Variants in N4BP1 observed in about 807,000 individuals in gnomAD.
The protein encoded by N4BP1 is NEDD4-binding protein 1.
Under a neutral mutation model 70.9 loss-of-function variants are expected in N4BP1, and 21 were observed. The observed-to-expected ratio is 0.30, with a 90% CI of 0.21 to 0.43. The LOEUF is 0.43. Among genes scored for constraint, N4BP1 ranks in the 20% least tolerant of loss-of-function variants. N4BP1 has a pLI of 1.00. For synonymous variants in N4BP1, 387 were observed against 394.6 expected (o/e 0.98, Z 0.23); for missense variants, 936 against 1,069.4 (o/e 0.88, Z 1.74).
chr16:48,561,388 T>C lies in N4BP1; in HGVS notation c.1255A>G (p.Asn419Asp). The C allele has an allele frequency of 1.2e-6, 2 of 1,613,964 alleles. No individual in the cohort carries two copies. The highest frequency in any genetic ancestry group is 1.1e-5 in the South Asian group (1 of 91,086). The change falls in exon 2 of 7, where the codon AAT (asparagine) becomes GAT (aspartate). Residue 419 changes from asparagine to aspartate, a missense_variant. Transcript: ENST00000262384. ...TKNKGVYSST[N>D]ELTTDSTPKK... ...GGAGTGGAATCAGTTGTAAGCTCAT[T>C]TGTGCTGCTATAAACACCTTTATTT...
chr16:48,572,553 C>T (rs886746724), intron 1 of N4BP1, among the ~76,000 whole-genome samples: 1 of 152,062 alleles, frequency 6.6e-6, no homozygotes, highest in Admixed American at 6.6e-5. Context: ...TAAAATTACT[C>T]CTATGGATTC....
chr16:48,574,251 T>C (rs77049785), intron 1 of N4BP1, among the ~76,000 whole-genome samples: 396 of 152,306 alleles, frequency 2.6e-3, no homozygotes, highest in African/African-American at 9.1e-3. Flanking sequence ...CTACTTTTAA[T>C]AAAAAAATTT....
At chr16:48,600,194 G>T in intron 1 of N4BP1, 1 of 662,054 alleles carries the variant, frequency 1.5e-6, no homozygotes, top group Non-Finnish European at 2.8e-6. Flanking sequence ...TTCTGTTTGG[G>T]CCCATCTACC....
At chr16:48,587,654 C>CT (rs917270356) in intron 1 of N4BP1, among the ~76,000 whole-genome samples, 5 of 152,176 alleles carry the variant, frequency 3.3e-5, no homozygotes, top group African/African-American at 1.2e-4. Flanking sequence ...ATTTGGCCCC[C>CT]TTTTTACCAG....
chr16:48,600,791 C>T (rs1964484478), intron 1 of N4BP1: 1 of 273,050 alleles, frequency 3.7e-6, no homozygotes, highest in Non-Finnish European at 7.1e-6. Flanking sequence ...ATCTACAAAA[C>T]ATCAGATATT....
At chr16:48,558,529 C>A (rs1034970547) in intron 2 of N4BP1, among the ~76,000 whole-genome samples, 3 of 152,078 alleles carry the variant, frequency 2.0e-5, no homozygotes, top group Non-Finnish European at 2.9e-5. Context: ...CAACAGTGAC[C>A]CTGCTGAGAA....
chr16:48,548,240 A>G (rs986859751), intron 4 of N4BP1, 126 bp from the exon 5 acceptor site: 62 of 646,008 alleles, frequency 9.6e-5, no homozygotes, highest in Non-Finnish European at 1.5e-4. Context: ...AGGCTAGGCC[A>G]CAGAAAAGTT....
intron 6 of N4BP1, 199 bp downstream of exon 6, chr16:48,545,948 G>A (rs574072801): frequency 2.4e-6 from 1 of 423,264 alleles, no homozygotes; most frequent in African/African-American, 2.1e-5. Context: ...GATCGCTGAA[G>A]CCCAGTGGGG....
At position 48,543,133 on chromosome 16, in the gene N4BP1, C is replaced by A. The variant is rs1159344834; in HGVS notation, c.2462G>T (p.Ser821Ile). 1 of 1,607,912 alleles carries A rather than the reference C, an allele frequency of 6.2e-7. No individual in the cohort carries two copies. The highest frequency in any genetic ancestry group is 1.7e-5 in the Admixed American group (1 of 59,862). The change falls in exon 7 of 7, where the codon AGC becomes ATC. Residue 821 changes from serine to isoleucine, a missense_variant. Ser to Ile is a moderately radical substitution (Grantham distance 142). Transcript: ENST00000262384. ...PPTRIQGAPS[S>I]HWLPQQPHFP... ...GTGGGGCTGCTGAGGGAGCCAGTGG[C>A]TTGAAGGGGCTCCCTGAATCCGGGT...
At chr16:48,586,761 T>C (rs1224300015) in intron 1 of N4BP1, among the ~76,000 whole-genome samples, 1 of 152,240 alleles carries the variant, frequency 6.6e-6, no homozygotes, top group Non-Finnish European at 1.5e-5. Context: ...ACTAATTTCT[T>C]TGGAGTATTC....
intron 1 of N4BP1, among the ~76,000 whole-genome samples, chr16:48,563,250 G>A (rs1963886671): frequency 6.6e-6 from 1 of 152,020 alleles, no homozygotes; most frequent in Non-Finnish European, 1.5e-5. Flanking sequence ...AGCTACTTGG[G>A]AGGCTGAGAT....
chr16:48,595,750 T>C (rs368489441), intron 1 of N4BP1, among the ~76,000 whole-genome samples: 5 of 152,248 alleles, frequency 3.3e-5, no homozygotes, highest in Non-Finnish European at 7.3e-5. Flanking sequence ...ACTTGACTTA[T>C]AGAGCCAACC....
rs1307707854 is a variant in N4BP1, at chr16:48,538,964, G to C, written c.*3940C>G. 1 of 152,348 alleles carries C rather than the reference G, an allele frequency of 6.6e-6. No homozygotes were observed. The highest frequency in any genetic ancestry group is 6.5e-5 in the Admixed American group (1 of 15,284). 9.4% of individuals were successfully genotyped at this position (152,348 alleles called of 1,614,324 possible). ...GGGGATGCTTCTGGCAGAAGCACTG[G>C]AAAGGAGACGAGGACTCAGGCTGGG... On this transcript the variant is annotated 3_prime_UTR_variant, in exon 7 of 7. Transcript: ENST00000262384.
chr16:48,590,009 G>C (rs1044184154), intron 1 of N4BP1, among the ~76,000 whole-genome samples: 1 of 152,130 alleles, frequency 6.6e-6, no homozygotes, highest in Non-Finnish European at 1.5e-5. Flanking sequence ...TAACAAATTA[G>C]CTACAAGATT....
At chr16:48,570,154 GA>G (rs1433115261) in intron 1 of N4BP1, among the ~76,000 whole-genome samples, 1 of 101,690 alleles carries the variant, frequency 9.8e-6, no homozygotes, top group South Asian at 3.7e-4. Flanking sequence ...GAATAAAGAA[GA>G]AAAAAAAGGG....
chr16:48,544,938 T>C (rs1280263764), intron 6 of N4BP1, among the ~76,000 whole-genome samples: 1 of 152,134 alleles, frequency 6.6e-6, no homozygotes, highest in Non-Finnish European at 1.5e-5. Flanking sequence ...CGCCAGTAAG[T>C]GACCACCAGC....
intron 1 of N4BP1, among the ~76,000 whole-genome samples, chr16:48,603,507 T>A (rs1964533720): frequency 6.6e-6 from 1 of 152,132 alleles, no homozygotes; most frequent in African/African-American, 2.4e-5. Context: ...ACTTCTTTTA[T>A]TTGTTAACCA....
chr16:48,580,516 T>C (rs1481540868), intron 1 of N4BP1, among the ~76,000 whole-genome samples: 1 of 152,154 alleles, frequency 6.6e-6, no homozygotes, highest in African/African-American at 2.4e-5. Flanking sequence ...GAAGAACTAA[T>C]GTCAATTCTT....
intron 1 of N4BP1, among the ~76,000 whole-genome samples, chr16:48,608,377 ACACT>A (rs1213268523): frequency 1.3e-5 from 2 of 152,316 alleles, no homozygotes; most frequent in East Asian, 1.9e-4. Context: ...TGAAATGCAA[ACACT>A]CACGATTTTT....
Sources: gnomAD v4.1 joint callset for allele counts (sites outside exome capture counted in the v4.1 genomes callset) on GRCh38, gnomAD v4.1.1 for gene constraint, MANE v1.5 for transcripts, NCBI Gene and HGNC (gene_info 2026-07-23, HGNC 2026-07-21) for gene names.